Variants in UTRN observed in about 807,000 individuals in gnomAD.
UTRN encodes the protein dystrophin-related protein 1.
A neutral mutation model predicts 463.9 loss-of-function variants in UTRN; 283 were observed. That is an observed-to-expected ratio of 0.61 (90% CI 0.55 to 0.67). The LOEUF (loss-of-function observed/expected upper bound fraction) is 0.67, where lower values mean the gene tolerates loss of function less well. Ranked by LOEUF, UTRN falls within the 30% of genes least tolerant of loss-of-function variation. UTRN has a pLI of 0.00. For synonymous variants in UTRN, 1,442 were observed against 1,431.5 expected, an observed-to-expected ratio of 1.01 and a Z score of -0.17; for missense variants, 3,922 against 4,084.3, an observed-to-expected ratio of 0.96 and a Z score of 1.08.
chr6:144,621,284 G>A (rs116620690), intron 51 of UTRN, among the ~76,000 whole-genome samples: 2,800 of 152,226 alleles, frequency 0.018, 82 homozygotes, highest in African/African-American at 0.063. Context: ...TTTAGAGAAC[G>A]ATAGTTGTTT....
At chr6:144,566,619 A>G (rs1279944504) in intron 50 of UTRN, among the ~76,000 whole-genome samples, 3 of 152,086 alleles carry the variant, frequency 2.0e-5, no homozygotes, top group Admixed American at 6.5e-5. Flanking sequence ...TTGGATTTCA[A>G]ACTTCACTTC....
intron 53 of UTRN, among the ~76,000 whole-genome samples, chr6:144,714,972 C>G (rs77855841): frequency 6.6e-6 from 1 of 151,756 alleles, no homozygotes; most frequent in African/African-American, 2.4e-5. Flanking sequence ...TCTTCCTTCT[C>G]TCCCCTGTCT....
Position 144,511,153 on chromosome 6 carries a change from A to C in UTRN, c.4944+30A>C. ...GTCTCAGGAAAAAGTAAATGATGAA[A>C]TCTTCTCCTCTCTTCTAGTTATTTT... is the stretch of plus-strand genomic sequence containing the variant. On this transcript the variant is annotated intron_variant, in intron 35 of 74. Coordinates refer to ENST00000367545, the MANE Select transcript of UTRN (RefSeq NM_007124.3). 3 of 1,457,932 alleles carry C rather than the reference A, an allele frequency of 2.1e-6. No individual in the cohort carries two copies. The East Asian group carries it at 7.5e-5, about 37-fold the overall frequency. 90.3% of individuals were successfully genotyped at this position (1,457,932 alleles called of 1,614,324 possible). A position where few individuals can be genotyped will look rare whatever the true frequency, so the allele number is the denominator to read the frequency against.
At chr6:144,824,781 G>A (rs1377044204) in intron 66 of UTRN, among the ~76,000 whole-genome samples, 5 of 146,150 alleles carry the variant, frequency 3.4e-5, no homozygotes, top group African/African-American at 1.3e-4. Flanking sequence ...GGTGGGGGGG[G>A]GTGTCCCCCC....
chr6:144,549,145 A>G (rs1365540495), intron 47 of UTRN, among the ~76,000 whole-genome samples: 1 of 152,238 alleles, frequency 6.6e-6, no homozygotes, highest in African/African-American at 2.4e-5. Flanking sequence ...AGCTGGCGTT[A>G]GCATTTCATG....
chr6:144,841,060 T>C (rs1781533345), intron 73 of UTRN, among the ~76,000 whole-genome samples: 1 of 152,204 alleles, frequency 6.6e-6, no homozygotes, highest in South Asian at 2.1e-4. Flanking sequence ...TTGAGATTTT[T>C]CAATATGCCT....
At chr6:144,778,605 CTAATAATAA>C (rs146368466) in intron 60 of UTRN, among the ~76,000 whole-genome samples, 8 of 148,726 alleles carry the variant, frequency 5.4e-5, no homozygotes, top group South Asian at 2.1e-4. Flanking sequence ...AGGGGAAATG[CTAATAATAA>C]TAATAATAAT....
intron 66 of UTRN, among the ~76,000 whole-genome samples, chr6:144,825,377 C>A (rs1780088266): frequency 6.6e-6 from 1 of 152,156 alleles, no homozygotes; most frequent in South Asian, 2.1e-4. Context: ...TTCTTATTTT[C>A]TCCTTTCAGA....
intron 51 of UTRN, among the ~76,000 whole-genome samples, chr6:144,671,832 G>A (rs768259621): frequency 9.2e-5 from 14 of 151,964 alleles, no homozygotes; most frequent in Middle Eastern, 3.4e-3. Context: ...GGAATGTCTC[G>A]TCTATGCCAA....
chr6:144,488,634 G>T, intron 29 of UTRN, 39 bp from the exon 30 acceptor site: 1 of 1,594,900 alleles, frequency 6.3e-7, no homozygotes, highest in Non-Finnish European at 8.6e-7. Context: ...ATTTATATTT[G>T]TGTTGGGCAA....
At position 144,682,117 on chromosome 6, in the gene UTRN, C is replaced by T. The variant is rs192159510; in HGVS notation, c.7652+3539C>T. Reference sequence around the variant, plus strand: ...TAACTGTTTTATACCTATTAATCATCACCACTTCCTCCCCATCACCCCCCT... The same window carrying T: ...TAACTGTTTTATACCTATTAATCATTACCACTTCCTCCCCATCACCCCCCT... On this transcript the variant is annotated intron_variant, in intron 52 of 74. Transcript: ENST00000367545. Among the ~76,000 whole-genome samples the T allele has an allele frequency of 1.4e-3, 207 of 152,162 alleles. 1 individual carries two copies. The highest frequency in any genetic ancestry group is 2.8e-3 in the Non-Finnish European group (188 of 67,976).
Position 144,607,569 on chromosome 6 carries a change from G to C in UTRN, c.7479+30281G>C, listed in dbSNP as rs569351113. Among the ~76,000 whole-genome samples the C allele has an allele frequency of 2.4e-3, 373 of 152,282 alleles. 2 individuals carry two copies. The highest frequency in any genetic ancestry group is 8.5e-3 in the African/African-American group (353 of 41,554). On this transcript the variant is annotated intron_variant, in intron 51 of 74. Coordinates refer to ENST00000367545, the MANE Select transcript of UTRN (RefSeq NM_007124.3). ...TGCAAAAAGGACCATAGGTTTCACTGGGTAAAGGCTATTTGTCTGATTTTT... is the reference window on the plus strand; with the variant it reads ...TGCAAAAAGGACCATAGGTTTCACTCGGTAAAGGCTATTTGTCTGATTTTT...
chr6:144,522,246 A>G lies in UTRN; in HGVS notation c.5733+75A>G, dbSNP rs1005152135. On this transcript the variant is annotated intron_variant, in intron 40 of 74. Coordinates refer to ENST00000367545, the MANE Select transcript of UTRN (RefSeq NM_007124.3). ...GAGGAAGAAATTTGTTCTTGTGCCT[A>G]CTTAGATGGTCTATATCTTTTACAA... The G allele has an allele frequency of 6.6e-6, 8 of 1,217,920 alleles. No individual in the cohort carries two copies. The African/African-American group carries it at 9.4e-5, about 14-fold the overall frequency. The allele number at this position is 1,217,920 out of a possible 1,614,324, so 75.4% of individuals were successfully genotyped here.
intron 25 of UTRN, among the ~76,000 whole-genome samples, chr6:144,476,615 G>A (rs1791232381): frequency 6.6e-6 from 1 of 152,196 alleles, no homozygotes; most frequent in Non-Finnish European, 1.5e-5. Context: ...GATGCTAGAA[G>A]CTAAGGAGGA....
At chr6:144,685,329 G>A (rs1164597898) in intron 52 of UTRN, among the ~76,000 whole-genome samples, 1 of 152,198 alleles carries the variant, frequency 6.6e-6, no homozygotes, top group African/African-American at 2.4e-5. Context: ...GGATTGTGCT[G>A]TGATAAACAT....
chr6:144,434,214 G>A (rs1480426441), intron 9 of UTRN, among the ~76,000 whole-genome samples: 10 of 150,900 alleles, frequency 6.6e-5, no homozygotes, highest in African/African-American at 2.2e-4. Flanking sequence ...GTGGTGGCGC[G>A]CACCTGCAAT....
At chr6:144,651,903 G>T (rs907380000) in intron 51 of UTRN, among the ~76,000 whole-genome samples, 1 of 151,836 alleles carries the variant, frequency 6.6e-6, no homozygotes, top group East Asian at 1.9e-4. Flanking sequence ...CTGAAATTTT[G>T]GTGCACCCAT....
In UTRN at chr6:144,426,400, C is replaced by T. The variant is rs1447710328; in HGVS notation, c.519C>T (p.Leu173=). 6.2e-7 allele frequency: 1 copy of T among 1,614,074 alleles called. No homozygotes were observed. The highest frequency in any genetic ancestry group is 8.5e-7 in the Non-Finnish European group (1 of 1,180,046). Residue 173 remains leucine (L), a synonymous_variant, in exon 7 of 75, where the codon CTC becomes CTT. Transcript: ENST00000367545. ...GGCCCTACAGCCAAGTCAACGTCCT[C>T]AACTTCACCACCAGCTGGACAGATG... ...TTRPYSQVNV[L]NFTTSWTDGL...
At chr6:144,826,161 A>ATAATAAATAAAT (rs1780161180) in intron 66 of UTRN, among the ~76,000 whole-genome samples, 1 of 148,592 alleles carries the variant, frequency 6.7e-6, no homozygotes, top group African/African-American at 2.5e-5. Flanking sequence ...AATAAAAGAA[A>ATAATAAATAAAT]AAATAAATAA....
Sources: gnomAD v4.1 joint callset for allele counts (sites outside exome capture counted in the v4.1 genomes callset) on GRCh38, gnomAD v4.1.1 for gene constraint, MANE v1.5 for transcripts, NCBI Gene and HGNC (gene_info 2026-07-23, HGNC 2026-07-21) for gene names.